The following SGIP1 variants were observed in gnomAD, a reference collection of about 807,000 sequenced individuals.
SGIP1 encodes the protein SH3GL interacting endocytic adaptor 1, also known as SH3-containing GRB2-like protein 3-interacting protein 1.
A neutral mutation model predicts 107.5 loss-of-function variants in SGIP1; 38 were observed. That is an observed-to-expected ratio of 0.35 (90% CI 0.27 to 0.46). The LOEUF is 0.46. SGIP1 is among the 20% of genes least tolerant of loss of function. SGIP1 has a pLI of 1.00. For synonymous variants in SGIP1, 365 were observed against 366.1 expected, an observed-to-expected ratio of 1.00 and a Z score of 0.03; for missense variants, 929 against 1,019.5, an observed-to-expected ratio of 0.91 and a Z score of 1.21.
intron 21 of SGIP1, among the ~76,000 whole-genome samples, chr1:66,737,038 T>C (rs1189114225): frequency 6.6e-6 from 1 of 152,190 alleles, no homozygotes; most frequent in Admixed American, 6.5e-5. Flanking sequence ...ACACATTTTA[T>C]TTAACTTCTT....
chr1:66,684,069 A>T lies in SGIP1; in HGVS notation c.1315+1700A>T, dbSNP rs369204021. 50 of 1,549,306 alleles carry T rather than the reference A, an allele frequency of 3.2e-5. 2 individuals carry two copies. In the East Asian group the frequency reaches 3.7e-4, roughly 11 times the overall value. ...TTTGTACATTATTTCATACAACACC[A>T]CCCTGTGGTAGATACTGTTATCTTT... On this transcript the variant is annotated intron_variant, in intron 15 of 24. Transcript: ENST00000371037.
chr1:66,594,331 T>C (rs531630822), intron 1 of SGIP1, among the ~76,000 whole-genome samples: 5 of 152,364 alleles, frequency 3.3e-5, no homozygotes, highest in African/African-American at 1.2e-4. Flanking sequence ...ATTCAACTAT[T>C]AGACATATTG....
chr1:66,605,922 A>G (rs1199422746), intron 1 of SGIP1, among the ~76,000 whole-genome samples: 1 of 152,184 alleles, frequency 6.6e-6, no homozygotes, highest in Non-Finnish European at 1.5e-5. Flanking sequence ...CGGTTCAGCC[A>G]AGACCACCTA....
chr1:66,547,801 C>T (rs978083474), intron 1 of SGIP1, among the ~76,000 whole-genome samples: 3 of 152,032 alleles, frequency 2.0e-5, no homozygotes, highest in African/African-American at 4.8e-5. Context: ...AAAATGGAAT[C>T]GTGGTGGAGA....
chr1:66,595,534 A>T (rs1348771850), intron 1 of SGIP1, among the ~76,000 whole-genome samples: 1 of 152,218 alleles, frequency 6.6e-6, no homozygotes, highest in African/African-American at 2.4e-5. Context: ...AACCTTCCAC[A>T]ACCTCACAAA....
chr1:66,718,210 G>GT (rs2150416277), intron 18 of SGIP1, among the ~76,000 whole-genome samples: 1 of 152,254 alleles, frequency 6.6e-6, no homozygotes, highest in Admixed American at 6.5e-5. Flanking sequence ...ACTAAAGTAA[G>GT]TAGTCTATGC....
intron 12 of SGIP1, among the ~76,000 whole-genome samples, chr1:66,674,208 C>A (rs1259221163): frequency 1.3e-5 from 2 of 152,040 alleles, no homozygotes; most frequent in African/African-American, 2.4e-5. Context: ...GAAGAAATAT[C>A]TTTATTTCTG....
intron 1 of SGIP1, among the ~76,000 whole-genome samples, chr1:66,562,463 T>C (rs2059093867): frequency 6.6e-6 from 1 of 151,832 alleles, no homozygotes; most frequent in Non-Finnish European, 1.5e-5. Context: ...AGGGAGTATA[T>C]GAACAATAAA....
chr1:66,669,220 G>T (rs2083241511), intron 9 of SGIP1, among the ~76,000 whole-genome samples: 1 of 152,122 alleles, frequency 6.6e-6, no homozygotes, highest in African/African-American at 2.4e-5. Context: ...ATGTTACAGG[G>T]GCTTCTTCTT....
Position 66,689,162 on chromosome 1 carries a change from G to A in SGIP1, c.1330G>A (p.Ala444Thr). 1 of 1,612,882 alleles carries A rather than the reference G, an allele frequency of 6.2e-7. No homozygotes were observed. Among genetic ancestry groups the A allele is most frequent in the Non-Finnish European group, 8.5e-7 (1 of 1,179,534 alleles). ...TTGTTTTTCAGGTGCATCATCCCCTGCTCGACCAGCCACTCCTTTGGTTCC... is the reference window on the plus strand; with the variant it reads ...TTGTTTTTCAGGTGCATCATCCCCTACTCGACCAGCCACTCCTTTGGTTCC... ...PGTTSGASSP[A>T]RPATPLVPCR... The change falls in exon 16 of 25, where the codon GCT becomes ACT. Residue 444 changes from alanine to threonine, a missense_variant. Transcript: ENST00000371037.
chr1:66,572,834 A>G (rs1569682914), intron 1 of SGIP1, among the ~76,000 whole-genome samples: 1 of 152,134 alleles, frequency 6.6e-6, no homozygotes, highest in Non-Finnish European at 1.5e-5. Flanking sequence ...GGACAACTAC[A>G]ATGCGATATA....
chr1:66,736,454 G>A lies in SGIP1; in HGVS notation c.2031+2574G>A, dbSNP rs1049818434. On this transcript the variant is annotated intron_variant, in intron 21 of 24. Transcript: ENST00000371037. ...ATTATATGTGAATATAATATATTGC[G>A]TATTATATGTGAATATAATATATTG... 8.4e-5 allele frequency among the ~76,000 whole-genome samples: 9 copies of A among 107,650 alleles called. 1 individual carries two copies. Among genetic ancestry groups the A allele is most frequent in the Middle Eastern group, 0.012 (1 of 82 alleles). 70.6% of individuals were successfully genotyped at this position (107,650 alleles called of 152,430 possible). A position where few individuals can be genotyped will look rare whatever the true frequency, so the allele number is the denominator to read the frequency against.
At chr1:66,629,135 T>C (rs1334923109) in intron 2 of SGIP1, among the ~76,000 whole-genome samples, 1 of 152,240 alleles carries the variant, frequency 6.6e-6, no homozygotes, top group East Asian at 1.9e-4. Context: ...GCCTTGTTGA[T>C]GCAAACTGTT....
chr1:66,601,494 G>A (rs1340458100), intron 1 of SGIP1, among the ~76,000 whole-genome samples: 1 of 151,800 alleles, frequency 6.6e-6, no homozygotes, highest in Non-Finnish European at 1.5e-5. Context: ...AGTTGGGGAG[G>A]GGTTATTTGT....
intron 1 of SGIP1, among the ~76,000 whole-genome samples, chr1:66,617,314 T>C (rs879479969): frequency 6.1e-5 from 9 of 147,158 alleles, no homozygotes; most frequent in Non-Finnish European, 9.0e-5. Context: ...ATCATAAATA[T>C]CATTAAAAAA....
chr1:66,653,255 C>A (rs1244714818), intron 7 of SGIP1, among the ~76,000 whole-genome samples: 1 of 152,096 alleles, frequency 6.6e-6, no homozygotes, highest in Non-Finnish European at 1.5e-5. Flanking sequence ...GGACTGTGTG[C>A]AGAAAATTAG....
At position 66,578,833 on chromosome 1, in the gene SGIP1, G is replaced by A. The variant is rs570622345; in HGVS notation, c.10+44465G>A. Among the ~76,000 whole-genome samples, 11 of 152,202 alleles carry A rather than the reference G, an allele frequency of 7.2e-5. No individual in the cohort carries two copies. In the South Asian group the frequency reaches 1.2e-3, roughly 17 times the overall value. Reference sequence around the variant, plus strand: ...ATTATAGGCATGCGCCAGCACACCCGACTAATTTTGTATTTTTAGTAGAGG... The same window carrying A: ...ATTATAGGCATGCGCCAGCACACCCAACTAATTTTGTATTTTTAGTAGAGG... On this transcript the variant is annotated intron_variant, in intron 1 of 24. Transcript: ENST00000371037.
rs2094546111 is a variant in SGIP1, at chr1:66,745,894, T to A, written c.*2799T>A. 6.6e-6 allele frequency: 1 copy of A among 152,166 alleles called. No individual in the cohort carries two copies. 9.4% of individuals were successfully genotyped at this position (152,166 alleles called of 1,614,324 possible). ...TCTGAATTTTATCATAATAGAAATT[T>A]ATAATTACTAAGAATTAAATTTTTA... On this transcript the variant is annotated 3_prime_UTR_variant, in exon 25 of 25. Transcript: ENST00000371037.
At chr1:66,710,082 A>G (rs1356602221) in intron 18 of SGIP1, among the ~76,000 whole-genome samples, 1 of 152,068 alleles carries the variant, frequency 6.6e-6, no homozygotes, top group Non-Finnish European at 1.5e-5. Flanking sequence ...ATTTATATGT[A>G]GTAACTTTAT....
Sources: gnomAD v4.1 joint callset for allele counts (sites outside exome capture counted in the v4.1 genomes callset) on GRCh38, gnomAD v4.1.1 for gene constraint, MANE v1.5 for transcripts, NCBI Gene and HGNC (gene_info 2026-07-23, HGNC 2026-07-21) for gene names.